Variants in CLVS1 observed in about 807,000 individuals in gnomAD.
CLVS1 encodes clavesin 1.
Under a neutral mutation model 33.1 loss-of-function variants are expected in CLVS1, and 10 were observed. The ratio of observed to expected loss-of-function variants is 0.30; its 90% CI spans 0.19 to 0.51. CLVS1 has a LOEUF of 0.51. CLVS1 is among the 20% of genes least tolerant of loss of function. The probability of loss-of-function intolerance (pLI) is 0.97; values close to 1 mark genes in which losing one functional copy is unlikely to be tolerated. For synonymous variants in CLVS1, 163 were observed against 166.1 expected, an observed-to-expected ratio of 0.98 and a Z score of 0.14; for missense variants, 343 against 433.4, an observed-to-expected ratio of 0.79 and a Z score of 1.85.
intron 3 of CLVS1, among the ~76,000 whole-genome samples, chr8:61,409,426 A>G (rs746500700): frequency 2.0e-5 from 3 of 152,220 alleles, no homozygotes; most frequent in Non-Finnish European, 4.4e-5. Context: ...TAAGGATTTC[A>G]GCATAGTATT....
At chr8:61,253,338 C>G (rs553057460) in intron 2 of CLVS1, among the ~76,000 whole-genome samples, 10 of 152,328 alleles carry the variant, frequency 6.6e-5, no homozygotes, top group South Asian at 2.1e-4. Flanking sequence ...ACCTTTCTCT[C>G]TGGCTGCCTT....
At chr8:61,359,794 C>G (rs567961108) in intron 2 of CLVS1, among the ~76,000 whole-genome samples, 15 of 152,234 alleles carry the variant, frequency 9.9e-5, no homozygotes, top group African/African-American at 3.6e-4. Context: ...ATGGGAAAAC[C>G]TGGTTTCCTT....
intron 1 of CLVS1, among the ~76,000 whole-genome samples, chr8:61,123,192 T>C (rs62524520): frequency 7.0e-6 from 1 of 142,718 alleles, no homozygotes; most frequent in East Asian, 2.0e-4. Context: ...TCACTTGAAC[T>C]CGGGAGGCGG....
At chr8:61,338,733 G>A (rs932991848) in intron 2 of CLVS1, among the ~76,000 whole-genome samples, 4 of 152,152 alleles carry the variant, frequency 2.6e-5, no homozygotes, top group African/African-American at 9.7e-5. Context: ...CCCACACTGA[G>A]GTCAGGGCTG....
At chr8:61,345,027 C>T (rs1812160713) in intron 2 of CLVS1, among the ~76,000 whole-genome samples, 1 of 152,174 alleles carries the variant, frequency 6.6e-6, no homozygotes, top group Non-Finnish European at 1.5e-5. Flanking sequence ...TGGATTTGCT[C>T]ATCTGCTGCT....
chr8:61,261,984 G>GTA (rs1484680562), intron 2 of CLVS1, among the ~76,000 whole-genome samples: 1 of 80,618 alleles, frequency 1.2e-5, no homozygotes, highest in African/African-American at 7.8e-5. Flanking sequence ...GCGTGTGTGT[G>GTA]TGTGTGTGTG....
chr8:61,231,365 C>A (rs1260228870), intron 2 of CLVS1, among the ~76,000 whole-genome samples: 6 of 152,016 alleles, frequency 3.9e-5, no homozygotes, highest in African/African-American at 1.5e-4. Context: ...CTCTGGATAC[C>A]CATTAGAATC....
intron 2 of CLVS1, among the ~76,000 whole-genome samples, chr8:61,262,494 G>A (rs575598549): frequency 6.6e-6 from 1 of 152,082 alleles, no homozygotes; most frequent in Non-Finnish European, 1.5e-5. Flanking sequence ...AACATAGTGA[G>A]ACACTATCTC....
intron 5 of CLVS1, among the ~76,000 whole-genome samples, chr8:61,476,655 G>A (rs1817946081): frequency 6.6e-6 from 1 of 152,210 alleles, no homozygotes; most frequent in South Asian, 2.1e-4. Flanking sequence ...TTTGTATCCT[G>A]AGACTTTGCT....
At chr8:61,429,407 G>A (rs184801177) in intron 3 of CLVS1, among the ~76,000 whole-genome samples, 2 of 124,264 alleles carry the variant, frequency 1.6e-5, no homozygotes, top group African/African-American at 6.4e-5. Flanking sequence ...GTGACACAGT[G>A]AGACTCTGTC....
At chr8:61,322,287 T>A (rs1442726872) in intron 2 of CLVS1, among the ~76,000 whole-genome samples, 2 of 152,164 alleles carry the variant, frequency 1.3e-5, no homozygotes, top group Non-Finnish European at 2.9e-5. Flanking sequence ...AGAATGGAAA[T>A]ATGGTAGATC....
the CLVS1 span, among the ~76,000 whole-genome samples, chr8:61,026,447 G>A: frequency 2.0e-4 from 31 of 152,292 alleles, 1 homozygote; most frequent in East Asian, 5.8e-3. Flanking sequence ...TGAGGTGAGG[G>A]AATTAATTCA....
chr8:61,010,743 A>G, the CLVS1 span, among the ~76,000 whole-genome samples: 1 of 152,188 alleles, frequency 6.6e-6, no homozygotes, highest in African/African-American at 2.4e-5. Flanking sequence ...TGGACTTTCT[A>G]CCAGCTCTCC....
chr8:61,354,086 T>C (rs1417940183), intron 2 of CLVS1, among the ~76,000 whole-genome samples: 2 of 152,088 alleles, frequency 1.3e-5, no homozygotes, highest in Non-Finnish European at 2.9e-5. Flanking sequence ...ATTCGTTGAA[T>C]TCATAAATTT....
At chr8:61,211,672 T>G (rs1424966878) in intron 2 of CLVS1, among the ~76,000 whole-genome samples, 1 of 152,234 alleles carries the variant, frequency 6.6e-6, no homozygotes, top group Non-Finnish European at 1.5e-5. Flanking sequence ...TAGGCAGAAT[T>G]ATGGCCCCCC....
intron 2 of CLVS1, among the ~76,000 whole-genome samples, chr8:61,147,517 A>G (rs1027549770): frequency 6.6e-6 from 1 of 152,224 alleles, no homozygotes; most frequent in Non-Finnish European, 1.5e-5. Context: ...AGTTTTCAAA[A>G]TATCCTAGAT....
chr8:60,992,025 G>T, the CLVS1 span, among the ~76,000 whole-genome samples: 3 of 152,304 alleles, frequency 2.0e-5, no homozygotes, highest in East Asian at 3.9e-4. Flanking sequence ...TGGGATTACA[G>T]GCGTGAGCCA....
chr8:61,083,776 T>C (rs1420047633), intron 1 of CLVS1, among the ~76,000 whole-genome samples: 1 of 150,548 alleles, frequency 6.6e-6, no homozygotes, highest in Admixed American at 6.6e-5. Context: ...AAGATGGAGA[T>C]GGAGGAAAGA....
In CLVS1 at chr8:61,167,972, C is replaced by A. The variant is rs544523859; in HGVS notation, c.-152+36112C>A. Among the ~76,000 whole-genome samples the A allele has an allele frequency of 1.0e-3, 153 of 152,288 alleles. 6 individuals are homozygous for A. The South Asian group carries it at 0.031, about 31-fold the overall frequency. ...TCCATAAAAACAGGCAACCAGCGGC[C>A]CCCAGGGCTGCTCTGTCTATGAAGC... On this transcript the variant is annotated intron_variant, in intron 2 of 2. Transcript: ENST00000522621.
Sources: gnomAD v4.1 joint callset for allele counts (sites outside exome capture counted in the v4.1 genomes callset) on GRCh38, gnomAD v4.1.1 for gene constraint, MANE v1.5 for transcripts, NCBI Gene and HGNC (gene_info 2026-07-23, HGNC 2026-07-21) for gene names.